The following LGR6 variants were observed in gnomAD, a reference collection of about 807,000 sequenced individuals.
The protein encoded by LGR6 is leucine rich repeat containing G protein-coupled receptor 6.
LGR6 carries 45 observed loss-of-function variants against 69.4 expected under a neutral mutation model. The ratio of observed to expected loss-of-function variants is 0.65; its 90% CI spans 0.51 to 0.83. The LOEUF is 0.83. Among genes scored for constraint, LGR6 ranks in the 40% least tolerant of loss-of-function variants. The probability of loss-of-function intolerance (pLI) is 0.00; values close to 1 mark genes in which losing one functional copy is unlikely to be tolerated. For synonymous variants in LGR6, 538 were observed against 555.0 expected (o/e 0.97, Z 0.43); for missense variants, 1,108 against 1,246.7 (o/e 0.89, Z 1.68).
At chr1:202,208,122 G>A (rs1470532146) in intron 1 of LGR6, among the ~76,000 whole-genome samples, 2 of 152,122 alleles carry the variant, frequency 1.3e-5, no homozygotes, top group African/African-American at 2.4e-5. Context: ...GTCCTCTGGA[G>A]GAAGGAGGTG....
intron 3 of LGR6, among the ~76,000 whole-genome samples, chr1:202,229,265 C>A: frequency 6.6e-6 from 1 of 152,170 alleles, no homozygotes; most frequent in Non-Finnish European, 1.5e-5. Flanking sequence ...CTGCTCTGTC[C>A]TTGGGTCTCT....
At chr1:202,299,259 CAAAAA>C (rs940683421) in intron 7 of LGR6, among the ~76,000 whole-genome samples, 1 of 67,140 alleles carries the variant, frequency 1.5e-5, no homozygotes, top group Non-Finnish European at 3.2e-5. Context: ...GACTCTGTCT[CAAAAA>C]AAAAAAAAAA....
chr1:202,252,194 G>A (rs1007884171), intron 4 of LGR6, among the ~76,000 whole-genome samples: 6 of 152,086 alleles, frequency 3.9e-5, no homozygotes, highest in African/African-American at 1.4e-4. Flanking sequence ...CTCCAGCGAA[G>A]CCACTTCCCT....
chr1:202,209,007 C>T (rs6665965), intron 1 of LGR6, among the ~76,000 whole-genome samples: 1 of 151,908 alleles, frequency 6.6e-6, no homozygotes. Flanking sequence ...CCCCTAACCT[C>T]GGCTGGGACC....
intron 1 of LGR6, among the ~76,000 whole-genome samples, chr1:202,205,861 CTTCA>C (rs1318559338): frequency 7.0e-6 from 1 of 143,224 alleles, no homozygotes; most frequent in African/African-American, 2.6e-5. Flanking sequence ...CACACACCTC[CTTCA>C]AACACACACC....
In LGR6 at chr1:202,297,512, C is replaced by A; in HGVS notation, c.721C>A (p.Leu241Met). 1 of 1,613,648 alleles carries A rather than the reference C, an allele frequency of 6.2e-7. No individual in the cohort carries two copies. Among genetic ancestry groups the A allele is most frequent in the Non-Finnish European group, 8.5e-7 (1 of 1,179,736 alleles). The change falls in exon 7 of 18, where the codon CTG becomes ATG. Residue 241 changes from leucine (L) to methionine (M), a missense_variant. Coordinates refer to ENST00000367278, the MANE Select transcript of LGR6 (RefSeq NM_001017403.2). The stretch of plus-strand genomic sequence containing the variant: ...CTGCTCTGCTTTCTGTTCCAGAGAC[C>A]TGAATTATAACAAGCTGCAGGAGTT... Reference protein sequence around the residue: ...EGLHNLETLDLNYNKLQEFPV... With the variant: ...EGLHNLETLDMNYNKLQEFPV...
chr1:202,301,672 A>G (rs897026897), intron 9 of LGR6, among the ~76,000 whole-genome samples: 8 of 151,934 alleles, frequency 5.3e-5, no homozygotes, highest in Admixed American at 2.6e-4. Context: ...GGTGCTCTCT[A>G]TTTCCCCTCT....
chr1:202,208,702 G>C (rs1659350291), intron 1 of LGR6, among the ~76,000 whole-genome samples: 1 of 152,054 alleles, frequency 6.6e-6, no homozygotes, highest in Non-Finnish European at 1.5e-5. Flanking sequence ...AGAAGCCCAG[G>C]GTGCCACCTC....
intron 14 of LGR6, among the ~76,000 whole-genome samples, chr1:202,308,814 C>T (rs1413347212): frequency 6.6e-6 from 1 of 152,144 alleles, no homozygotes; most frequent in Non-Finnish European, 1.5e-5. Flanking sequence ...TAGTTGGCAC[C>T]GTTATGTATT....
rs569610950 is a variant in LGR6 at position 202,301,880 on chromosome 1, G to A, written c.929+645G>A. Among the ~76,000 whole-genome samples, 149 of 152,236 alleles carry A rather than the reference G, an allele frequency of 9.8e-4. 1 individual carries two copies. Among genetic ancestry groups the A allele is most frequent in the South Asian group, 6.2e-3 (30 of 4,830 alleles). On this transcript the variant is annotated intron_variant, in intron 9 of 17. Coordinates refer to ENST00000367278, the MANE Select transcript of LGR6 (RefSeq NM_001017403.2). Reference sequence around the variant, plus strand: ...AAAAATACAAAAAAAGTAGCCGGGCGTGGTGGTGGGCACCTGTAATCCCAG... The same window carrying A: ...AAAAATACAAAAAAAGTAGCCGGGCATGGTGGTGGGCACCTGTAATCCCAG...
intron 6 of LGR6, among the ~76,000 whole-genome samples, chr1:202,294,026 C>T (rs1050947220): frequency 2.0e-5 from 3 of 152,150 alleles, no homozygotes; most frequent in East Asian, 1.9e-4. Flanking sequence ...TCTGTGGCCC[C>T]AGGCAAGCCA....
chr1:202,288,055 G>T (rs1422810725), intron 6 of LGR6, among the ~76,000 whole-genome samples: 1 of 151,988 alleles, frequency 6.6e-6, no homozygotes, highest in African/African-American at 2.4e-5. Flanking sequence ...AGATGCTGTG[G>T]CCCCTTGCCG....
chr1:202,237,316 C>G (rs1013978115), intron 4 of LGR6, among the ~76,000 whole-genome samples: 1 of 152,252 alleles, frequency 6.6e-6, no homozygotes, highest in Admixed American at 6.5e-5. Context: ...AGAGGCCAGG[C>G]AAGCCTGTGC....
chr1:202,263,900 G>A (rs550035321), intron 4 of LGR6, among the ~76,000 whole-genome samples: 1 of 152,310 alleles, frequency 6.6e-6, no homozygotes, highest in Admixed American at 6.5e-5. Flanking sequence ...TCATTTCAGG[G>A]AAGGGATCTT....
chr1:202,298,851 C>T (rs1377839887), intron 7 of LGR6, among the ~76,000 whole-genome samples: 1 of 151,974 alleles, frequency 6.6e-6, no homozygotes, highest in Non-Finnish European at 1.5e-5. Flanking sequence ...CAAACCACCC[C>T]CACCACCTGA....
At chr1:202,303,221 GTC>G in intron 9 of LGR6, 56 bp from the exon 10 acceptor site, 4 of 1,267,020 alleles carry the variant, frequency 3.2e-6, no homozygotes, top group Non-Finnish European at 4.6e-6. Context: ...AGAATTGAGA[GTC>G]TTGATGTTGA....
At chr1:202,261,604 C>T (rs1222135951) in intron 4 of LGR6, among the ~76,000 whole-genome samples, 5 of 152,072 alleles carry the variant, frequency 3.3e-5, no homozygotes, top group Non-Finnish European at 5.9e-5. Flanking sequence ...TACCCAGTAA[C>T]GGGATGGCTG....
intron 6 of LGR6, among the ~76,000 whole-genome samples, chr1:202,285,067 C>G (rs1666296774): frequency 6.6e-6 from 1 of 152,152 alleles, no homozygotes. Flanking sequence ...AGGAAGAGGG[C>G]AAAGAAGAAA....
intron 5 of LGR6, among the ~76,000 whole-genome samples, chr1:202,280,126 G>A (rs1190981444): frequency 6.6e-6 from 1 of 151,500 alleles, no homozygotes; most frequent in African/African-American, 2.4e-5. Context: ...GTTTTTTTCC[G>A]GCTTATGCTT....
Sources: gnomAD v4.1 joint callset for allele counts (sites outside exome capture counted in the v4.1 genomes callset) on GRCh38, gnomAD v4.1.1 for gene constraint, MANE v1.5 for transcripts, NCBI Gene and HGNC (gene_info 2026-07-23, HGNC 2026-07-21) for gene names.